The following PPP2R3A variants were observed in gnomAD, a reference collection of about 807,000 sequenced individuals.
The protein encoded by PPP2R3A is protein phosphatase 2 regulatory subunit B''alpha.
A neutral mutation model predicts 106.9 loss-of-function variants in PPP2R3A; 80 were observed. The observed-to-expected ratio is 0.75, with a 90% CI of 0.62 to 0.90. PPP2R3A has a LOEUF of 0.90. Among genes scored for constraint, PPP2R3A ranks in the 40% least tolerant of loss-of-function variants. The pLI is 0.00. For missense variants in PPP2R3A, 1,386 were observed against 1,350.4 expected (o/e 1.03, Z -0.41); for synonymous variants, 483 against 468.3 (o/e 1.03, Z -0.41).
intron 5 of PPP2R3A, among the ~76,000 whole-genome samples, chr3:136,057,788 C>A (rs546735943): frequency 6.6e-6 from 1 of 151,886 alleles, no homozygotes. Flanking sequence ...ATCAAAAAGA[C>A]GAAAGATAAC....
rs545117385 is a variant in PPP2R3A at position 136,146,169 on chromosome 3, G to C, written c.*1003G>C. The C allele has an allele frequency of 6.6e-6, 1 of 152,262 alleles. No homozygotes were observed. The highest frequency in any genetic ancestry group is 2.1e-4 in the South Asian group (1 of 4,824). 9.4% of individuals were successfully genotyped at this position (152,262 alleles called of 1,614,324 possible). ...CCACCTCAGTATTTATCAAGGAAATGGAAAATGATACAGCTATAAAAGAAA... is the reference window on the plus strand; with the variant it reads ...CCACCTCAGTATTTATCAAGGAAATCGAAAATGATACAGCTATAAAAGAAA... On this transcript the variant is annotated 3_prime_UTR_variant, in exon 14 of 14. Coordinates refer to ENST00000264977, the MANE Select transcript of PPP2R3A (RefSeq NM_002718.5).
chr3:136,108,152 G>A (rs1937545442), intron 13 of PPP2R3A, among the ~76,000 whole-genome samples: 1 of 152,140 alleles, frequency 6.6e-6, no homozygotes, highest in Admixed American at 6.5e-5. Flanking sequence ...GGCAGAGGCT[G>A]CAGTGAGCTG....
chr3:136,112,365 G>A (rs1286349355), intron 13 of PPP2R3A, among the ~76,000 whole-genome samples: 2 of 152,164 alleles, frequency 1.3e-5, no homozygotes, highest in Non-Finnish European at 2.9e-5. Context: ...CTTTGCAGAT[G>A]ATATAATTCT....
chr3:135,995,920 ACTTT>A (rs1459739885), intron 1 of PPP2R3A, among the ~76,000 whole-genome samples: 1 of 152,150 alleles, frequency 6.6e-6, no homozygotes, highest in Non-Finnish European at 1.5e-5. Flanking sequence ...CGATGTTTAT[ACTTT>A]CTTTCTCTGC....
Position 136,079,077 on chromosome 3 carries a change from A to AT in PPP2R3A, c.2631+625dup, listed in dbSNP as rs1936693695. ...ATGAAATGTTTTATTTTTAAGAATC[A>AT]TACTAAATGGAATTTAGGCTAATAA... On this transcript the variant is annotated intron_variant, in intron 7 of 13. Coordinates refer to ENST00000264977, the MANE Select transcript of PPP2R3A (RefSeq NM_002718.5). 10 of 376,392 alleles carry AT rather than the reference A, an allele frequency of 2.7e-5. No homozygotes were observed. In the East Asian group the frequency reaches 6.6e-4, roughly 25 times the overall value. The allele number at this position is 376,392 out of a possible 1,614,324, so 23.3% of individuals were successfully genotyped here.
At chr3:136,010,248 T>C (rs1482089481) in intron 2 of PPP2R3A, among the ~76,000 whole-genome samples, 1 of 147,056 alleles carries the variant, frequency 6.8e-6, no homozygotes, top group East Asian at 1.9e-4. Flanking sequence ...TCTTTTTCTT[T>C]TCTTTCTTTC....
At chr3:135,982,910 G>A (rs2107761723) in intron 1 of PPP2R3A, among the ~76,000 whole-genome samples, 1 of 152,268 alleles carries the variant, frequency 6.6e-6, no homozygotes, top group East Asian at 1.9e-4. Flanking sequence ...TAGTTAGGTG[G>A]TACTATTGAG....
intron 13 of PPP2R3A, among the ~76,000 whole-genome samples, chr3:136,114,022 C>A (rs974440924): frequency 2.0e-5 from 3 of 152,100 alleles, no homozygotes; most frequent in Non-Finnish European, 4.4e-5. Context: ...CCAGCCAGAT[C>A]GACACAGAAG....
At chr3:136,129,885 A>G in intron 13 of PPP2R3A, among the ~76,000 whole-genome samples, 1 of 152,244 alleles carries the variant, frequency 6.6e-6, no homozygotes, top group Non-Finnish European at 1.5e-5. Flanking sequence ...AATGTAATCC[A>G]TCACATAAAC....
At chr3:136,010,246 T>TTTTC (rs1219270258) in intron 2 of PPP2R3A, among the ~76,000 whole-genome samples, 1 of 149,240 alleles carries the variant, frequency 6.7e-6, no homozygotes, top group Non-Finnish European at 1.5e-5. Context: ...TGTCTTTTTC[T>TTTTC]TTTCTTTCTT....
At chr3:136,096,276 C>T (rs1285879624) in intron 10 of PPP2R3A, among the ~76,000 whole-genome samples, 1 of 152,126 alleles carries the variant, frequency 6.6e-6, no homozygotes, top group African/African-American at 2.4e-5. Flanking sequence ...GAACAGGCAC[C>T]ACTTTGCAGA....
intron 1 of PPP2R3A, among the ~76,000 whole-genome samples, chr3:135,975,582 G>C (rs1294317103): frequency 7.9e-5 from 12 of 152,268 alleles, no homozygotes; most frequent in Non-Finnish European, 2.9e-5. Context: ...ATTTCAGATA[G>C]TAGTAATAGT....
chr3:136,027,186 C>A, intron 3 of PPP2R3A, 88 bp downstream of exon 3: 4 of 1,178,626 alleles, frequency 3.4e-6, no homozygotes, highest in South Asian at 3.1e-5. Context: ...ATCCCACCCC[C>A]CTTCACTGCC....
intron 11 of PPP2R3A, 143 bp downstream of exon 11, chr3:136,102,325 G>T: frequency 1.5e-6 from 1 of 655,864 alleles, no homozygotes; most frequent in Non-Finnish European, 2.3e-6. Context: ...GTTTCTCCTT[G>T]ACTATTAGTG....
At chr3:136,085,797 G>C in intron 8 of PPP2R3A, among the ~76,000 whole-genome samples, 1 of 151,708 alleles carries the variant, frequency 6.6e-6, no homozygotes. Flanking sequence ...TTAAGAAAAG[G>C]CTCATCAGGC....
intron 3 of PPP2R3A, among the ~76,000 whole-genome samples, chr3:136,032,337 T>C (rs1934923205): frequency 6.6e-6 from 1 of 152,058 alleles, no homozygotes; most frequent in South Asian, 2.1e-4. Context: ...AGCTTGCTCG[T>C]TGTTGGTGTA....
chr3:135,990,561 A>G (rs1488402699), intron 1 of PPP2R3A, among the ~76,000 whole-genome samples: 1 of 152,164 alleles, frequency 6.6e-6, no homozygotes, highest in Non-Finnish European at 1.5e-5. Context: ...CCTTTTAAAA[A>G]TAAATCCGTA....
chr3:136,107,793 C>T (rs1937541561), intron 13 of PPP2R3A, among the ~76,000 whole-genome samples: 1 of 152,132 alleles, frequency 6.6e-6, no homozygotes, highest in East Asian at 1.9e-4. Context: ...TTAAGCCTGA[C>T]TGCATCAGAA....
chr3:136,010,575 C>T (rs1440759693), intron 2 of PPP2R3A, among the ~76,000 whole-genome samples: 5 of 151,384 alleles, frequency 3.3e-5, no homozygotes, highest in African/African-American at 1.2e-4. Context: ...TACAGGCGCC[C>T]GCCACTACGC....
Sources: allele counts gnomAD v4.1 joint callset (sites outside exome capture counted in the v4.1 genomes callset), GRCh38; gene constraint gnomAD v4.1.1; transcripts MANE v1.5; gene names NCBI Gene and HGNC (gene_info 2026-07-23, HGNC 2026-07-21).